The following PDE4B variants were observed in gnomAD, a reference collection of about 807,000 sequenced individuals.
The protein encoded by PDE4B is phosphodiesterase 4B.
PDE4B carries 20 observed loss-of-function variants against 82.2 expected under a neutral mutation model. The observed-to-expected ratio is 0.24, with a 90% CI of 0.17 to 0.35. PDE4B has a LOEUF of 0.35. Among genes scored for constraint, PDE4B ranks in the 10% least tolerant of loss-of-function variants. PDE4B has a pLI of 1.00. For synonymous variants in PDE4B, 320 were observed against 318.9 expected, an observed-to-expected ratio of 1.00 and a Z score of -0.04; for missense variants, 655 against 907.2, an observed-to-expected ratio of 0.72 and a Z score of 3.57.
intron 7 of PDE4B, among the ~76,000 whole-genome samples, chr1:66,287,478 G>A (rs1480335571): frequency 2.0e-5 from 3 of 152,156 alleles, no homozygotes; most frequent in Non-Finnish European, 2.9e-5. Flanking sequence ...TAACTTCTGA[G>A]TCCAGCGTTC....
intron 1 of PDE4B, among the ~76,000 whole-genome samples, chr1:65,813,419 C>G (rs187403782): frequency 1.3e-5 from 2 of 152,096 alleles, no homozygotes; most frequent in East Asian, 3.9e-4. Flanking sequence ...TTTGAACGTG[C>G]AAGTTTGAGA....
At chr1:66,148,161 T>A (rs1646313123) in intron 3 of PDE4B, among the ~76,000 whole-genome samples, 1 of 152,060 alleles carries the variant, frequency 6.6e-6, no homozygotes, top group African/African-American at 2.4e-5. Flanking sequence ...TTTCAGCTAC[T>A]CGGGAGGCTG....
In PDE4B at chr1:66,369,108, A is replaced by G. The variant is rs142992016; in HGVS notation, c.1845+139A>G. The G allele has an allele frequency of 0.011, 6,662 of 631,156 alleles. 75 individuals carry two copies. The highest frequency in any genetic ancestry group is 0.011 in the Non-Finnish European group (4,405 of 395,422). The allele number at this position is 631,156 out of a possible 1,614,324, so 39.1% of individuals were successfully genotyped here. A position where few individuals can be genotyped will look rare whatever the true frequency, so the allele number is the denominator to read the frequency against. ...ACAACTACGCATTTTGTTCCATTAT[A>G]GTCAGGACTCATGCGACTTCTCCAT... On this transcript the variant is annotated intron_variant, in intron 16 of 16. Coordinates refer to ENST00000341517, the MANE Select transcript of PDE4B (RefSeq NM_002600.4).
At chr1:66,087,780 A>G (rs1657086912) in intron 3 of PDE4B, among the ~76,000 whole-genome samples, 1 of 150,054 alleles carries the variant, frequency 6.7e-6, no homozygotes, top group Non-Finnish European at 1.5e-5. Flanking sequence ...AAAAAACCAA[A>G]CACCGCATAT....
intron 8 of PDE4B, among the ~76,000 whole-genome samples, chr1:66,342,960 G>A (rs901095515): frequency 3.3e-5 from 5 of 151,956 alleles, no homozygotes; most frequent in African/African-American, 1.2e-4. Context: ...CATGAGAATC[G>A]CTTGAGCCCT....
chr1:66,289,467 A>C (rs1656914786), intron 7 of PDE4B, among the ~76,000 whole-genome samples: 1 of 152,116 alleles, frequency 6.6e-6, no homozygotes, highest in Non-Finnish European at 1.5e-5. Flanking sequence ...ATAAGAAGGA[A>C]AAAGGAGACT....
intron 3 of PDE4B, among the ~76,000 whole-genome samples, chr1:66,186,551 G>C (rs540321721): frequency 6.6e-6 from 1 of 151,942 alleles, no homozygotes; most frequent in Non-Finnish European, 1.5e-5. Flanking sequence ...GGTCCTTCAC[G>C]TCCCTTATAA....
intron 7 of PDE4B, among the ~76,000 whole-genome samples, chr1:66,271,850 C>T (rs1340859143): frequency 6.6e-6 from 1 of 152,158 alleles, no homozygotes; most frequent in African/African-American, 2.4e-5. Context: ...CTATTGTCTG[C>T]CAGTAAGGTC....
intron 1 of PDE4B, among the ~76,000 whole-genome samples, chr1:65,800,968 C>A (rs1245566283): frequency 6.6e-6 from 1 of 152,200 alleles, no homozygotes; most frequent in Non-Finnish European, 1.5e-5. Context: ...CCCTTTCTCT[C>A]TCATCTTCCT....
chr1:66,210,472 T>C (rs1318463258), intron 3 of PDE4B, among the ~76,000 whole-genome samples: 2 of 151,562 alleles, frequency 1.3e-5, no homozygotes, highest in East Asian at 3.9e-4. Context: ...AGTGCGCGCT[T>C]GTAGTCCCGG....
chr1:65,961,007 G>T (rs980539417), intron 3 of PDE4B, among the ~76,000 whole-genome samples: 1 of 151,978 alleles, frequency 6.6e-6, no homozygotes, highest in Non-Finnish European at 1.5e-5. Context: ...AATTATTAGG[G>T]ACCTAAATGT....
intron 3 of PDE4B, among the ~76,000 whole-genome samples, chr1:65,937,810 G>A (rs1391308638): frequency 6.6e-6 from 1 of 152,090 alleles, no homozygotes; most frequent in South Asian, 2.1e-4. Flanking sequence ...GGAAGTGCAG[G>A]TTTTATATAA....
At chr1:65,950,935 C>T (rs1213339576) in intron 3 of PDE4B, among the ~76,000 whole-genome samples, 1 of 152,052 alleles carries the variant, frequency 6.6e-6, no homozygotes, top group Non-Finnish European at 1.5e-5. Flanking sequence ...GTAAGAAATA[C>T]ATTTCTTTAA....
intron 1 of PDE4B, among the ~76,000 whole-genome samples, chr1:65,907,821 C>T (rs948943082): frequency 2.6e-5 from 4 of 152,142 alleles, no homozygotes; most frequent in African/African-American, 9.7e-5. Context: ...GACATTTTCT[C>T]ATCTAAAAGG....
intron 3 of PDE4B, among the ~76,000 whole-genome samples, chr1:65,974,189 T>G (rs1650289411): frequency 6.6e-6 from 1 of 152,132 alleles, no homozygotes; most frequent in African/African-American, 2.4e-5. Context: ...CTTAGAGATT[T>G]CCTCCTTACA....
chr1:66,030,035 GGGTTTTTT>G (rs1260942421), intron 3 of PDE4B, among the ~76,000 whole-genome samples: 9 of 41,312 alleles, frequency 2.2e-4, no homozygotes, highest in Non-Finnish European at 1.4e-4. Context: ...AATCTGTTGA[GGGTTTTTT>G]TTTTTTTTTA....
rs113200260 is a variant in PDE4B at position 66,114,659 on chromosome 1, G to A, written c.282-132801G>A. 1.3e-4 allele frequency among the ~76,000 whole-genome samples: 18 copies of A among 135,868 alleles called. 2 individuals are homozygous for A. The highest frequency in any genetic ancestry group is 4.0e-4 in the African/African-American group (14 of 35,126). 89.1% of individuals were successfully genotyped at this position (135,868 alleles called of 152,430 possible). On this transcript the variant is annotated intron_variant, in intron 3 of 16. Coordinates refer to ENST00000341517, the MANE Select transcript of PDE4B (RefSeq NM_002600.4). The stretch of plus-strand genomic sequence containing the variant: ...TTTTTTTTTTTTTTTTTTTTGAGAC[G>A]GAGTCTGGCTGTGACACCCAGGCTG...
intron 1 of PDE4B, among the ~76,000 whole-genome samples, chr1:65,897,598 T>C (rs1031875955): frequency 1.3e-5 from 2 of 152,102 alleles, no homozygotes; most frequent in African/African-American, 4.8e-5. Flanking sequence ...GGTTTTCTAT[T>C]CTTGTGTTAA....
At chr1:65,897,024 A>C (rs1221464808) in intron 1 of PDE4B, among the ~76,000 whole-genome samples, 1 of 152,190 alleles carries the variant, frequency 6.6e-6, no homozygotes, top group Non-Finnish European at 1.5e-5. Context: ...GTGATTCAGC[A>C]AAGTATTTAA....
Sources: gnomAD v4.1 joint callset for allele counts (sites outside exome capture counted in the v4.1 genomes callset) on GRCh38, gnomAD v4.1.1 for gene constraint, MANE v1.5 for transcripts, NCBI Gene and HGNC (gene_info 2026-07-23, HGNC 2026-07-21) for gene names.